Variants in TMED3 observed in about 807,000 individuals in gnomAD.
TMED3 encodes the protein transmembrane emp24 domain-containing protein 3.
TMED3 carries 9 observed loss-of-function variants against 15.0 expected under a neutral mutation model. The observed-to-expected ratio is 0.60, with a 90% CI of 0.36 to 1.04. TMED3 has a LOEUF of 1.04. TMED3 is among the 50% of genes least tolerant of loss of function. The probability of loss-of-function intolerance (pLI) is 0.01; values close to 1 mark genes in which losing one functional copy is unlikely to be tolerated. For missense variants in TMED3, 267 were observed against 278.9 expected, an observed-to-expected ratio of 0.96 and a Z score of 0.30; for synonymous variants, 117 against 121.4, an observed-to-expected ratio of 0.96 and a Z score of 0.24.
At chr15:79,341,850 G>A (rs530291358) in intron 2 of TMED3, among the ~76,000 whole-genome samples, 2 of 152,324 alleles carry the variant, frequency 1.3e-5, no homozygotes, top group South Asian at 2.1e-4. Flanking sequence ...TGTCACAACT[G>A]GGGAGGAGGA....
rs773718074 is a variant in TMED3, at chr15:79,313,921, C to G, written c.333C>G (p.His111Gln). The G allele has an allele frequency of 6.8e-6, 11 of 1,614,238 alleles. No homozygotes were observed. Among genetic ancestry groups the G allele is most frequent in the Non-Finnish European group, 8.5e-6 (10 of 1,180,038 alleles). Reference sequence around the variant, plus strand: ...GTAATGAGTTTTCCACCTTCTCTCACAAGACCGTCTACTTTGACTTTCAAG... The same window carrying G: ...GTAATGAGTTTTCCACCTTCTCTCAGAAGACCGTCTACTTTGACTTTCAAG... ...CFSNEFSTFS[H>Q]KTVYFDFQVG... Residue 111 changes from histidine (H) to glutamine (Q), a missense_variant, in exon 2 of 3, where the codon CAC becomes CAG. His to Gln is a conservative substitution (Grantham distance 24). Around this residue, in one of 3 missense-constraint regions of TMED3, gnomAD observed 69 missense variants for 106.8 expected, o/e 0.65. Coordinates refer to ENST00000299705, the MANE Select transcript of TMED3 (RefSeq NM_007364.4).
At chr15:79,390,905 A>G (rs1053126075) in intron 2 of TMED3, among the ~76,000 whole-genome samples, 2 of 151,888 alleles carry the variant, frequency 1.3e-5, no homozygotes, top group Non-Finnish European at 2.9e-5. Flanking sequence ...CATCTTTTAT[A>G]TTTCTGTGGT....
chr15:79,410,747 A>G (rs1455806664), intron 2 of TMED3, among the ~76,000 whole-genome samples: 1 of 152,074 alleles, frequency 6.6e-6, no homozygotes, highest in Admixed American at 6.6e-5. Flanking sequence ...TATGAATAAC[A>G]GCCCAGGATA....
intron 2 of TMED3, among the ~76,000 whole-genome samples, chr15:79,351,513 C>T (rs1167207610): frequency 2.6e-5 from 4 of 152,064 alleles, no homozygotes; most frequent in South Asian, 2.1e-4. Flanking sequence ...TAAAATAAAA[C>T]GGGAAAACTG....
At chr15:79,348,611 G>A (rs8030533) in intron 2 of TMED3, among the ~76,000 whole-genome samples, 14,245 of 152,250 alleles carry the variant, frequency 0.094, 708 homozygotes, top group Admixed American at 0.12. Context: ...TGAAAAACAA[G>A]AGGTGCATAC....
At chr15:79,327,272 C>T (rs1298007904), downstream of TMED3, among the ~76,000 whole-genome samples, 1 of 152,174 alleles carries the variant, frequency 6.6e-6, no homozygotes, top group African/African-American at 2.4e-5. Context: ...ATTTATGAAC[C>T]AGAAATGGGA....
At chr15:79,403,462 G>A (rs1893861852) in intron 2 of TMED3, among the ~76,000 whole-genome samples, 1 of 152,074 alleles carries the variant, frequency 6.6e-6, no homozygotes. Context: ...ACCATTGTGT[G>A]GTGGTAGTTG....
intron 2 of TMED3, 54 bp downstream of exon 2, chr15:79,314,059 C>A: frequency 6.3e-7 from 1 of 1,597,172 alleles, no homozygotes; most frequent in South Asian, 1.1e-5. Context: ...TGTTCCTCTT[C>A]ATTGGCCTCT....
intron 2 of TMED3, among the ~76,000 whole-genome samples, chr15:79,352,673 A>AAT (rs1555422864): frequency 0.19 from 26,646 of 141,494 alleles, 2,772 homozygotes; most frequent in African/African-American, 0.28. Context: ...AGAAAAAAAA[A>AAT]ATATATATAT....
chr15:79,407,322 A>G (rs886459324), intron 2 of TMED3, among the ~76,000 whole-genome samples: 3 of 152,160 alleles, frequency 2.0e-5, no homozygotes, highest in Admixed American at 2.0e-4. Context: ...ACACAGCTTT[A>G]TATTCTCCTT....
At chr15:79,330,818 C>A (rs2058805529) in intron 2 of TMED3, among the ~76,000 whole-genome samples, 1 of 152,152 alleles carries the variant, frequency 6.6e-6, no homozygotes, top group African/African-American at 2.4e-5. Flanking sequence ...CAGCATGGTA[C>A]TGGCATAAAA....
chr15:79,407,854 C>CT (rs1893921830), intron 2 of TMED3, among the ~76,000 whole-genome samples: 1 of 152,130 alleles, frequency 6.6e-6, no homozygotes, highest in Non-Finnish European at 1.5e-5. Context: ...TGCTATCTGT[C>CT]TAAGAAAACT....
downstream of TMED3, among the ~76,000 whole-genome samples, chr15:79,325,845 C>A (rs906039356): frequency 1.4e-4 from 22 of 152,278 alleles, no homozygotes; most frequent in African/African-American, 5.1e-4. Flanking sequence ...AAGATGAAAG[C>A]CGGAAGACTC....
chr15:79,327,778 C>G (rs149678001), downstream of TMED3, among the ~76,000 whole-genome samples: 1 of 152,218 alleles, frequency 6.6e-6, no homozygotes, highest in African/African-American at 2.4e-5. Flanking sequence ...GGCAATTCGA[C>G]AGCTTTTATT....
At chr15:79,349,549 T>G (rs1375203341) in intron 2 of TMED3, among the ~76,000 whole-genome samples, 1 of 152,154 alleles carries the variant, frequency 6.6e-6, no homozygotes, top group Non-Finnish European at 1.5e-5. Context: ...ATTATCCTAT[T>G]CGTCTCTCCC....
chr15:79,407,545 A>G (rs1893917550), intron 2 of TMED3, among the ~76,000 whole-genome samples: 1 of 152,214 alleles, frequency 6.6e-6, no homozygotes. Flanking sequence ...GATCTTGGAG[A>G]GGACAAGAAT....
At chr15:79,390,250 T>G (rs1893679369) in intron 2 of TMED3, among the ~76,000 whole-genome samples, 1 of 152,194 alleles carries the variant, frequency 6.6e-6, no homozygotes, top group African/African-American at 2.4e-5. Flanking sequence ...TTTATTACAT[T>G]GAGCTATGTC....
chr15:79,380,459 A>G (rs967090677), intron 2 of TMED3, among the ~76,000 whole-genome samples: 1 of 146,136 alleles, frequency 6.8e-6, no homozygotes, highest in African/African-American at 2.5e-5. Flanking sequence ...TATATATGTT[A>G]TATATGGTTA....
At chr15:79,363,669 G>A (rs1040910795) in intron 2 of TMED3, among the ~76,000 whole-genome samples, 1 of 152,162 alleles carries the variant, frequency 6.6e-6, no homozygotes, top group East Asian at 1.9e-4. Context: ...CAACTGAGCA[G>A]CAAAACAATA....
Sources: allele counts gnomAD v4.1 joint callset (sites outside exome capture counted in the v4.1 genomes callset), GRCh38; gene constraint gnomAD v4.1.1; regional missense constraint gnomAD v4.1.1; transcripts MANE v1.5; gene names NCBI Gene and HGNC (gene_info 2026-07-23, HGNC 2026-07-21).